The following SYNPR variants were observed in gnomAD, a reference collection of about 807,000 sequenced individuals.
SYNPR encodes the protein synaptoporin.
In SYNPR, 23 loss-of-function variants were observed where a neutral mutation model predicts 32.9. That is an observed-to-expected ratio of 0.70 (90% CI 0.50 to 0.99). SYNPR has a LOEUF of 0.99. Ranked by LOEUF, SYNPR falls within the 50% of genes least tolerant of loss-of-function variation. The pLI is 0.00. For missense variants in SYNPR, 318 were observed against 349.3 expected (o/e 0.91, Z 0.71); for synonymous variants, 146 against 135.9 (o/e 1.07, Z -0.52).
chr3:63,429,544 T>C (rs1441822295), intron 2 of SYNPR, among the ~76,000 whole-genome samples: 1 of 152,206 alleles, frequency 6.6e-6, no homozygotes, highest in Admixed American at 6.5e-5. Flanking sequence ...CAAAGTTTTG[T>C]CATTTAAGAA....
At chr3:63,392,136 G>T (rs1300768925) in intron 2 of SYNPR, among the ~76,000 whole-genome samples, 1 of 152,142 alleles carries the variant, frequency 6.6e-6, no homozygotes, top group Non-Finnish European at 1.5e-5. Flanking sequence ...TTATAGAAAA[G>T]AGAAAACATG....
intron 4 of SYNPR, among the ~76,000 whole-genome samples, chr3:63,600,960 A>G (rs1700031921): frequency 2.6e-5 from 4 of 152,162 alleles, no homozygotes; most frequent in Admixed American, 6.5e-5. Context: ...CCCCATCACC[A>G]TACTTTGCTT....
At chr3:63,403,337 GCTGTGTTACTGCATTA>G (rs1028255618) in intron 2 of SYNPR, among the ~76,000 whole-genome samples, 4 of 151,856 alleles carry the variant, frequency 2.6e-5, no homozygotes, top group African/African-American at 7.3e-5. Flanking sequence ...TTGGTTGAGT[GCTGTGTTACTGCATTA>G]CTGTGTTACT....
chr3:63,408,025 T>C (rs1044762529), intron 2 of SYNPR, among the ~76,000 whole-genome samples: 2 of 151,604 alleles, frequency 1.3e-5, no homozygotes, highest in African/African-American at 4.9e-5. Flanking sequence ...TTCCTTAATA[T>C]GGTGACATGC....
Position 63,430,361 on chromosome 3 carries a change from T to TACACAC in SYNPR, c.85-50441_85-50436dup, listed in dbSNP as rs3083163. On this transcript the variant is annotated intron_variant, in intron 2 of 5. Coordinates refer to ENST00000478300, the MANE Select transcript of SYNPR (RefSeq NM_001130003.2). ...CATTCATTCACTCCTACACTGAGAA[T>TACACAC]ACACACACACACACACACACACACA... is the stretch of plus-strand genomic sequence containing the variant. Among the ~76,000 whole-genome samples the TACACAC allele has an allele frequency of 5.5e-3, 816 of 148,382 alleles. 8 individuals are homozygous for TACACAC. The highest frequency in any genetic ancestry group is 0.017 in the African/African-American group (705 of 40,376).
At chr3:63,470,645 C>T (rs539506884) in intron 2 of SYNPR, among the ~76,000 whole-genome samples, 1 of 152,274 alleles carries the variant, frequency 6.6e-6, no homozygotes, top group Non-Finnish European at 1.5e-5. Context: ...TTTCTCTCAT[C>T]AGTTTCTGTG....
chr3:63,496,432 A>C (rs1055993892), intron 3 of SYNPR, among the ~76,000 whole-genome samples: 1 of 152,096 alleles, frequency 6.6e-6, no homozygotes. Flanking sequence ...CCAGTTACCT[A>C]TGTGGACAGT....
chr3:63,539,324 T>G (rs547929606), intron 3 of SYNPR, among the ~76,000 whole-genome samples: 1 of 152,240 alleles, frequency 6.6e-6, no homozygotes, highest in South Asian at 2.1e-4. Flanking sequence ...TTCACAAGTT[T>G]TAATTCCTGG....
chr3:63,304,354 TTGTGTGTGTGTGTG>T (rs34570930), intron 2 of SYNPR, among the ~76,000 whole-genome samples: 12 of 146,522 alleles, frequency 8.2e-5, no homozygotes, highest in South Asian at 2.1e-4. Context: ...GTGTGTGTGT[TTGTGTGTGTGTGTG>T]TGTGTGTGTG....
intron 2 of SYNPR, among the ~76,000 whole-genome samples, chr3:63,379,340 G>C (rs1289994869): frequency 6.6e-6 from 1 of 151,988 alleles, no homozygotes; most frequent in Non-Finnish European, 1.5e-5. Flanking sequence ...TCTGTTGGTT[G>C]GTGATATTCT....
chr3:63,311,676 T>C (rs6791221), intron 2 of SYNPR, among the ~76,000 whole-genome samples: 66,051 of 151,742 alleles, frequency 0.44, 14,629 homozygotes, highest in Middle Eastern at 0.52. Context: ...GAGAATGCAA[T>C]CTGGATTTAA....
At chr3:63,463,286 G>A (rs1700619950) in intron 2 of SYNPR, among the ~76,000 whole-genome samples, 1 of 151,982 alleles carries the variant, frequency 6.6e-6, no homozygotes, top group African/African-American at 2.4e-5. Context: ...TCCAGATCCT[G>A]GATTTTCTTA....
intron 3 of SYNPR, among the ~76,000 whole-genome samples, chr3:63,523,018 T>C (rs1701943915): frequency 6.6e-6 from 1 of 152,078 alleles, no homozygotes; most frequent in East Asian, 1.9e-4. Context: ...CAGAAAGGAA[T>C]AGTTTTGGTT....
intron 2 of SYNPR, among the ~76,000 whole-genome samples, chr3:63,383,498 C>T (rs1254507104): frequency 6.6e-6 from 1 of 152,114 alleles, no homozygotes; most frequent in African/African-American, 2.4e-5. Context: ...GGGCAGATTG[C>T]CTGAGCTCAG....
Position 63,616,519 on chromosome 3 carries a change from G to A in SYNPR, c.*1038G>A, listed in dbSNP as rs1043481171. 1 of 152,586 alleles carries A rather than the reference G, an allele frequency of 6.6e-6. No individual in the cohort carries two copies. The highest frequency in any genetic ancestry group is 6.6e-5 in the Admixed American group (1 of 15,266). 9.5% of individuals were successfully genotyped at this position (152,586 alleles called of 1,614,324 possible). ...TTGTAAAGCTAATATGCTCCTCAAT[G>A]TAATTATTAAAAATTCTCAAGTCAC... is the stretch of plus-strand genomic sequence containing the variant. On this transcript the variant is annotated 3_prime_UTR_variant, in exon 6 of 6. Transcript: ENST00000478300.
At chr3:63,413,403 A>T (rs1047550096) in intron 2 of SYNPR, among the ~76,000 whole-genome samples, 33 of 152,334 alleles carry the variant, frequency 2.2e-4, no homozygotes, top group African/African-American at 7.7e-4. Context: ...TTTGGTCTTA[A>T]GTTAAATAAT....
At chr3:63,292,208 T>A (rs192483188) in intron 2 of SYNPR, among the ~76,000 whole-genome samples, 1 of 152,346 alleles carries the variant, frequency 6.6e-6, no homozygotes, top group East Asian at 1.9e-4. Flanking sequence ...AACTTGCTAG[T>A]GCTTTAAAAA....
At chr3:63,559,130 C>T (rs930076902) in intron 4 of SYNPR, among the ~76,000 whole-genome samples, 27 of 147,234 alleles carry the variant, frequency 1.8e-4, no homozygotes, top group South Asian at 4.3e-4. Context: ...TGTAGTGGAG[C>T]GATCTCGGCT....
At chr3:63,466,081 C>A (rs577425455) in intron 2 of SYNPR, among the ~76,000 whole-genome samples, 1 of 152,230 alleles carries the variant, frequency 6.6e-6, no homozygotes, top group South Asian at 2.1e-4. Context: ...TCTGAAAGGA[C>A]CCAGTGTGTG....
Sources: allele counts gnomAD v4.1 joint callset (sites outside exome capture counted in the v4.1 genomes callset), GRCh38; gene constraint gnomAD v4.1.1; transcripts MANE v1.5; gene names NCBI Gene and HGNC (gene_info 2026-07-23, HGNC 2026-07-21).